The following ERBB4 variants were observed in gnomAD, a reference collection of about 807,000 sequenced individuals.
ERBB4 encodes erb-b2 receptor tyrosine kinase 4.
In ERBB4, 42 loss-of-function variants were observed where a neutral mutation model predicts 158.0. The observed-to-expected ratio is 0.27, with a 90% confidence interval of 0.21 to 0.34. ERBB4 has a LOEUF of 0.34. Among genes scored for constraint, ERBB4 ranks in the 10% least tolerant of loss-of-function variants. The pLI is 1.00. For missense variants in ERBB4, 1,333 were observed against 1,624.1 expected (o/e 0.82, Z 3.08); for synonymous variants, 583 against 558.7 (o/e 1.04, Z -0.61).
At chr2:212,289,127 G>A (rs995322987) in intron 1 of ERBB4, among the ~76,000 whole-genome samples, 3 of 152,016 alleles carry the variant, frequency 2.0e-5, no homozygotes, top group Non-Finnish European at 1.5e-5. Context: ...TACATAATTC[G>A]TCATATACTA....
chr2:212,253,934 C>T (rs2084632438), intron 1 of ERBB4, among the ~76,000 whole-genome samples: 1 of 152,038 alleles, frequency 6.6e-6, no homozygotes. Context: ...TGTTACTGTA[C>T]TGAATACTGT....
At chr2:212,391,599 CAGCAATGTGAAT>C (rs1285094697) in intron 1 of ERBB4, among the ~76,000 whole-genome samples, 14 of 143,028 alleles carry the variant, frequency 9.8e-5, no homozygotes, top group African/African-American at 3.8e-4. Context: ...CTCTCCTGTA[CAGCAATGTGAAT>C]ATTATATGTC....
intron 19 of ERBB4, among the ~76,000 whole-genome samples, chr2:211,582,159 A>G (rs186602736): frequency 1.3e-5 from 2 of 152,354 alleles, no homozygotes; most frequent in African/African-American, 2.4e-5. Flanking sequence ...ACAGCATTCA[A>G]TGGTCAATGG....
chr2:211,413,312 ACACACAC>A (rs1559142156), intron 25 of ERBB4, among the ~76,000 whole-genome samples: 3 of 89,876 alleles, frequency 3.3e-5, no homozygotes, highest in African/African-American at 7.5e-5. Flanking sequence ...TCTTAAAAAC[ACACACAC>A]ACACACACAC....
chr2:212,201,526 T>A (rs1239867220), intron 1 of ERBB4, among the ~76,000 whole-genome samples: 1 of 152,156 alleles, frequency 6.6e-6, no homozygotes, highest in Non-Finnish European at 1.5e-5. Flanking sequence ...ATGAGAAAAA[T>A]GTAAGACTCT....
chr2:212,513,179 GA>G (rs573040086), intron 1 of ERBB4, among the ~76,000 whole-genome samples: 51 of 152,222 alleles, frequency 3.4e-4, no homozygotes, highest in African/African-American at 1.2e-3. Flanking sequence ...TTCCTCACTA[GA>G]TTGTTTAATA....
At chr2:211,930,751 C>G (rs2080151964) in intron 3 of ERBB4, among the ~76,000 whole-genome samples, 1 of 152,018 alleles carries the variant, frequency 6.6e-6, no homozygotes, top group African/African-American at 2.4e-5. Flanking sequence ...AGATCTTAGC[C>G]AATTAAAATA....
intron 2 of ERBB4, among the ~76,000 whole-genome samples, chr2:212,046,600 C>A (rs1024382033): frequency 2.0e-5 from 3 of 152,160 alleles, no homozygotes; most frequent in Non-Finnish European, 2.9e-5. Context: ...ATAGGACATT[C>A]TATTGTACAG....
At chr2:212,237,543 G>A (rs1267288474) in intron 1 of ERBB4, among the ~76,000 whole-genome samples, 1 of 152,152 alleles carries the variant, frequency 6.6e-6, no homozygotes, top group Non-Finnish European at 1.5e-5. Context: ...GTCCCAGTCT[G>A]GAGGCACGGG....
intron 1 of ERBB4, among the ~76,000 whole-genome samples, chr2:212,359,319 T>G (rs1033958611): frequency 3.3e-5 from 5 of 151,672 alleles, no homozygotes; most frequent in Non-Finnish European, 7.4e-5. Context: ...TATATCGCTT[T>G]GATAGAAAAT....
At chr2:212,108,576 G>C (rs1226368753) in intron 2 of ERBB4, among the ~76,000 whole-genome samples, 1 of 152,108 alleles carries the variant, frequency 6.6e-6, no homozygotes, top group Non-Finnish European at 1.5e-5. Flanking sequence ...AATAAGGAAT[G>C]CCATAAATGA....
chr2:212,252,199 A>T (rs1402196751), intron 1 of ERBB4, among the ~76,000 whole-genome samples: 1 of 152,102 alleles, frequency 6.6e-6, no homozygotes, highest in African/African-American at 2.4e-5. Flanking sequence ...TATATACAGC[A>T]TTAAATAAAT....
chr2:211,418,657 C>T (rs2063446617), intron 25 of ERBB4, among the ~76,000 whole-genome samples: 1 of 152,016 alleles, frequency 6.6e-6, no homozygotes, highest in South Asian at 2.1e-4. Flanking sequence ...AGATTTATAG[C>T]ATTGCAAGCT....
At chr2:211,424,031 C>T (rs920049696) in intron 23 of ERBB4, 124 bp downstream of exon 23, 12 of 947,498 alleles carry the variant, frequency 1.3e-5, no homozygotes, top group African/African-American at 6.5e-5. Flanking sequence ...TTCATATGTT[C>T]CTTTCATAAT....
chr2:211,485,094 G>T (rs1574583202), intron 20 of ERBB4, among the ~76,000 whole-genome samples: 1 of 152,262 alleles, frequency 6.6e-6, no homozygotes, highest in Non-Finnish European at 1.5e-5. Context: ...TACACAAAGA[G>T]AAAAAGATAT....
intron 1 of ERBB4, among the ~76,000 whole-genome samples, chr2:212,328,341 G>A (rs762598584): frequency 1.4e-4 from 22 of 152,010 alleles, no homozygotes; most frequent in Non-Finnish European, 2.4e-4. Context: ...GAACAAAGTG[G>A]AAGTTGCATC....
At chr2:211,988,286 C>A (rs2081987484) in intron 2 of ERBB4, among the ~76,000 whole-genome samples, 1 of 152,058 alleles carries the variant, frequency 6.6e-6, no homozygotes, top group African/African-American at 2.4e-5. Flanking sequence ...CAAGTTCACA[C>A]CGCTTACTAG....
chr2:212,264,155 A>G (rs906974590), intron 1 of ERBB4, among the ~76,000 whole-genome samples: 2 of 152,156 alleles, frequency 1.3e-5, no homozygotes, highest in South Asian at 4.1e-4. Flanking sequence ...TTCAAGTGTA[A>G]TGGACTACCA....
chr2:211,533,844 G>T (rs901011992), intron 20 of ERBB4, among the ~76,000 whole-genome samples: 4 of 151,906 alleles, frequency 2.6e-5, no homozygotes, highest in African/African-American at 4.8e-5. Flanking sequence ...GTAATCTTTG[G>T]TCAAACATGC....
Sources: allele counts gnomAD v4.1 joint callset (sites outside exome capture counted in the v4.1 genomes callset), GRCh38; gene constraint gnomAD v4.1.1; transcripts MANE v1.5; gene names NCBI Gene and HGNC (gene_info 2026-07-23, HGNC 2026-07-21).